The following CDH22 variants were observed in gnomAD, a reference collection of about 807,000 sequenced individuals.
The protein encoded by CDH22 is cadherin 22, also known as cadherin-22.
CDH22 carries 30 observed loss-of-function variants against 58.4 expected under a neutral mutation model. The observed-to-expected ratio is 0.51, with a 90% confidence interval of 0.38 to 0.70. The LOEUF (loss-of-function observed/expected upper bound fraction) is 0.70, where lower values mean the gene tolerates loss of function less well. CDH22 is among the 30% of genes least tolerant of loss of function. CDH22 has a pLI of 0.00. For synonymous variants in CDH22, 513 were observed against 558.2 expected (o/e 0.92, Z 1.14); for missense variants, 1,014 against 1,233.9 (o/e 0.82, Z 2.67).
Position 46,215,852 on chromosome 20 carries a change from C to T in CDH22, c.838+974G>A, listed in dbSNP as rs528553742. Among the ~76,000 whole-genome samples, 8 of 152,322 alleles carry T rather than the reference C, an allele frequency of 5.3e-5. No individual in the cohort carries two copies. In the East Asian group the frequency reaches 1.2e-3, roughly 22 times the overall value. On this transcript the variant is annotated intron_variant, in intron 5 of 11. Transcript: ENST00000537909. ...CATGCCACCCGTCTGCATGGGGCTG[C>T]CTTCAGGGGCTGGGGCTGGGCTGGG...
Position 46,174,247 on chromosome 20 carries a change from C to A in CDH22, c.*259G>T. On this transcript the variant is annotated 3_prime_UTR_variant, in exon 12 of 12. Transcript: ENST00000537909. The surrounding 1 kb of genome is among the most constrained non-coding windows in gnomAD (Gnocchi z 4.4). ...ACGCCACCCCCATCTCCCATTCTAA[C>A]CCCAGAGCCACACCGTGCCCGGTCT... 1 of 474,024 alleles carries A rather than the reference C, an allele frequency of 2.1e-6. No individual in the cohort carries two copies. The allele number at this position is 474,024 out of a possible 1,614,324, so 29.4% of individuals were successfully genotyped here.
rs147319354 is a variant in CDH22 at position 46,296,235 on chromosome 20, G to A, written c.-400+12020C>T. 3.3e-3 allele frequency among the ~76,000 whole-genome samples: 497 copies of A among 152,284 alleles called. 4 individuals carry two copies. The highest frequency in any genetic ancestry group is 0.018 in the Admixed American group (282 of 15,302). On this transcript the variant is annotated intron_variant, in intron 1 of 11. Transcript: ENST00000537909. ...AGATCAGTGCTGGTTCTCACAGCCC[G>A]AAGTCCTGATCTGGCTGTAAGGCAG...
chr20:46,190,723 T>C (rs2085857090), intron 8 of CDH22, among the ~76,000 whole-genome samples: 1 of 152,254 alleles, frequency 6.6e-6, no homozygotes, highest in South Asian at 2.1e-4. Flanking sequence ...GCCTGCAGCC[T>C]TAACCGATTC....
intron 7 of CDH22, among the ~76,000 whole-genome samples, chr20:46,204,634 G>T (rs781058892): frequency 9.2e-5 from 14 of 152,114 alleles, no homozygotes; most frequent in Non-Finnish European, 1.6e-4. Context: ...GAGAAGCCAG[G>T]TATCTTGCCC....
intron 3 of CDH22, among the ~76,000 whole-genome samples, chr20:46,238,640 T>C (rs2086270256): frequency 6.6e-6 from 1 of 152,226 alleles, no homozygotes; most frequent in South Asian, 2.1e-4. Context: ...CAGGTTACAA[T>C]CCTAACAGTC....
intron 3 of CDH22, among the ~76,000 whole-genome samples, chr20:46,228,517 C>T (rs1049691259): frequency 3.4e-5 from 5 of 145,150 alleles, no homozygotes; most frequent in African/African-American, 1.0e-4. Context: ...TTCAATTTGA[C>T]GAAAGCAGGG....
intron 8 of CDH22, among the ~76,000 whole-genome samples, chr20:46,188,592 A>C (rs1336131945): frequency 2.0e-5 from 3 of 152,222 alleles, no homozygotes; most frequent in Non-Finnish European, 1.5e-5. Context: ...CTGTGTGTAC[A>C]ACACGTAGCA....
chr20:46,199,221 C>G (rs951682351), intron 8 of CDH22, among the ~76,000 whole-genome samples: 1 of 152,264 alleles, frequency 6.6e-6, no homozygotes, highest in Admixed American at 6.5e-5. Flanking sequence ...TCGCACCCAT[C>G]AGCTTTTGCC....
chr20:46,258,024 C>T (rs904155073), intron 1 of CDH22, among the ~76,000 whole-genome samples: 1 of 152,102 alleles, frequency 6.6e-6, no homozygotes, highest in Non-Finnish European at 1.5e-5. Context: ...TGGGACAGCT[C>T]CACGGCATAA....
In CDH22 at chr20:46,210,953, C is replaced by A. The variant is rs1460789395; in HGVS notation, c.1033-393G>T. ...CCTAAGAGGCTTGTATTCTTATGAT[C>A]TGATCTTACACATGAGGAAAACGAG... On this transcript the variant is annotated intron_variant, in intron 6 of 11. Transcript: ENST00000537909. The surrounding 1 kb of genome is among the most constrained non-coding windows in gnomAD (Gnocchi z 4.5). Among the ~76,000 whole-genome samples, 1 of 152,202 alleles carries A rather than the reference C, an allele frequency of 6.6e-6. No homozygotes were observed. The highest frequency in any genetic ancestry group is 1.5e-5 in the Non-Finnish European group (1 of 68,030).
chr20:46,183,896 A>G (rs2085806716), intron 10 of CDH22, among the ~76,000 whole-genome samples: 1 of 151,146 alleles, frequency 6.6e-6, no homozygotes, highest in Admixed American at 6.6e-5. Context: ...TCTCTTACTC[A>G]CTCTAATCAC....
intron 1 of CDH22, among the ~76,000 whole-genome samples, chr20:46,294,439 C>G (rs2086619696): frequency 6.6e-6 from 1 of 152,140 alleles, no homozygotes; most frequent in African/African-American, 2.4e-5. Context: ...CCAGAGCTTC[C>G]CAGGGGTGGT....
Position 46,177,946 on chromosome 20 carries a change from C to CA in CDH22, c.1914dup (p.Val639CysfsTer23). On this transcript the variant is annotated frameshift_variant and splice_region_variant, in exon 11 of 12. Transcript: ENST00000537909. LOFTEE classifies it low-confidence loss of function (END_TRUNC). ...GCTGGGTGGCTCTCGATGGACTCAC[C>CA]AACCAGGATGAGAACGCAGACCAAG... The CA allele has an allele frequency of 6.2e-7, 1 of 1,613,474 alleles. No homozygotes were observed. The highest frequency in any genetic ancestry group is 8.5e-7 in the Non-Finnish European group (1 of 1,179,772).
At chr20:46,217,117 G>T in intron 4 of CDH22, 124 bp from the exon 5 acceptor site, 1 of 847,898 alleles carries the variant, frequency 1.2e-6, no homozygotes, top group Non-Finnish European at 1.8e-6. Context: ...GAGGAGAGTG[G>T]GCCACACAAG....
rs1270470724 is a variant in CDH22, at chr20:46,240,976, C to T, written c.537G>A (p.Glu179=). Residue 179 remains glutamate (E), a synonymous_variant, in exon 3 of 12, where the codon GAG becomes GAA. Coordinates refer to ENST00000537909, the MANE Select transcript of CDH22 (RefSeq NM_021248.3). ...LHGPYIGSVA[E]LSPTGTSVMQ... ...CCCACAGCCCACCTGTAGGTGAGAG[C>T]TCGGCCACGCTGCCAATATAGGGGC... is the stretch of plus-strand genomic sequence containing the variant. 1 of 1,612,106 alleles carries T rather than the reference C, an allele frequency of 6.2e-7. No individual in the cohort carries two copies. Among genetic ancestry groups the T allele is most frequent in the Admixed American group, 1.7e-5 (1 of 59,940 alleles).
At chr20:46,195,765 G>A (rs962737477) in intron 8 of CDH22, among the ~76,000 whole-genome samples, 11 of 152,186 alleles carry the variant, frequency 7.2e-5, no homozygotes, top group Non-Finnish European at 1.3e-4. Context: ...TGGAAGGAGC[G>A]TCTGCATGGG....
In CDH22 at chr20:46,174,427, G is replaced by T; in HGVS notation, c.*79C>A. Reference sequence around the variant, plus strand: ...TGGGGGAGGGCAGGAAAGGGGGTCCGCGGGGGAAACGCGTTGTCCTGGGGC... The same window carrying T: ...TGGGGGAGGGCAGGAAAGGGGGTCCTCGGGGGAAACGCGTTGTCCTGGGGC... On this transcript the variant is annotated 3_prime_UTR_variant, in exon 12 of 12. Coordinates refer to ENST00000537909, the MANE Select transcript of CDH22 (RefSeq NM_021248.3). This position sits in a 1 kb window ranked among gnomAD's most constrained non-coding sequence, Gnocchi z 4.4. The T allele has an allele frequency of 1.9e-6, 2 of 1,038,226 alleles. No homozygotes were observed. The highest frequency in any genetic ancestry group is 2.6e-6 in the Non-Finnish European group (2 of 761,488). 64.3% of individuals were successfully genotyped at this position (1,038,226 alleles called of 1,614,324 possible).
intron 4 of CDH22, among the ~76,000 whole-genome samples, chr20:46,226,231 CCTTCTTCTTCTTCTTCTTCTT>C (rs74176857): frequency 3.5e-5 from 3 of 86,540 alleles, no homozygotes; most frequent in East Asian, 3.0e-4. Context: ...TCTGGCAACA[CCTTCTTCTTCTTCTTCTTCTT>C]CTTCTTCTTC....
chr20:46,193,786 C>G (rs1199351656), intron 8 of CDH22, among the ~76,000 whole-genome samples: 1 of 152,092 alleles, frequency 6.6e-6, no homozygotes. Flanking sequence ...ACACCTGAAT[C>G]CCCTTTCTGC....
Sources: allele counts gnomAD v4.1 joint callset (sites outside exome capture counted in the v4.1 genomes callset), GRCh38; gene constraint gnomAD v4.1.1; non-coding constraint Gnocchi (gnomAD v3.1); transcripts MANE v1.5; gene names NCBI Gene and HGNC (gene_info 2026-07-23, HGNC 2026-07-21).